Variants in MAP3K1 observed in about 807,000 individuals in gnomAD.
MAP3K1 encodes MAP/ERK kinase kinase 1.
Under a neutral mutation model 144.2 loss-of-function variants are expected in MAP3K1, and 36 were observed. The ratio of observed to expected loss-of-function variants is 0.25; its 90% confidence interval spans 0.19 to 0.33. The LOEUF is 0.33. Ranked by LOEUF, MAP3K1 falls within the 10% of genes least tolerant of loss-of-function variation. The pLI is 1.00. For synonymous variants in MAP3K1, 718 were observed against 688.7 expected, an observed-to-expected ratio of 1.04 and a Z score of -0.67; for missense variants, 1,650 against 1,881.9, an observed-to-expected ratio of 0.88 and a Z score of 2.28.
Position 56,895,259 on chromosome 5 carries a change from ATTCCT to A in MAP3K1, c.*1582_*1586del, listed in dbSNP as rs1172356292. 4.3e-6 allele frequency: 1 copy of A among 232,206 alleles called. No individual in the cohort carries two copies. The highest frequency in any genetic ancestry group is 8.5e-6 in the Non-Finnish European group (1 of 117,446). The allele number at this position is 232,206 out of a possible 1,614,324, so 14.4% of individuals were successfully genotyped here. On this transcript the variant is annotated 3_prime_UTR_variant, in exon 20 of 20. Coordinates refer to ENST00000399503, the MANE Select transcript of MAP3K1 (RefSeq NM_005921.2). ...AATATGTTTCTTAGTGAAATTTTACATTCCTTTGTTTTGGAAGATTGGCGATATTT... is the reference window on the plus strand; with the variant it reads ...AATATGTTTCTTAGTGAAATTTTACATTGTTTTGGAAGATTGGCGATATTT...
At chr5:56,855,327 G>C (rs1479010679) in intron 1 of MAP3K1, among the ~76,000 whole-genome samples, 1 of 151,948 alleles carries the variant, frequency 6.6e-6, no homozygotes, top group Non-Finnish European at 1.5e-5. Context: ...GTCTCATATT[G>C]CTTCTATATA....
chr5:56,834,290 G>T (rs112393390), intron 1 of MAP3K1, among the ~76,000 whole-genome samples: 1 of 152,180 alleles, frequency 6.6e-6, no homozygotes, highest in African/African-American at 2.4e-5. Flanking sequence ...GTAAATGCTG[G>T]AGCCAGGGGA....
chr5:56,885,219 A>G (rs1225486402), intron 16 of MAP3K1, among the ~76,000 whole-genome samples: 1 of 152,230 alleles, frequency 6.6e-6, no homozygotes, highest in Non-Finnish European at 1.5e-5. Flanking sequence ...CTAGCACTGA[A>G]GCATAAAGTT....
intron 19 of MAP3K1, among the ~76,000 whole-genome samples, chr5:56,889,057 A>ATATG (rs1232204536): frequency 6.6e-6 from 1 of 152,242 alleles, no homozygotes; most frequent in African/African-American, 2.4e-5. Flanking sequence ...GTTTATATGT[A>ATATG]TATGTATGTG....
intron 2 of MAP3K1, among the ~76,000 whole-genome samples, chr5:56,857,204 C>T (rs566279464): frequency 4.5e-4 from 69 of 152,118 alleles, no homozygotes; most frequent in Non-Finnish European, 8.7e-4. Context: ...ATAAGATGTG[C>T]GTTTCTCCAA....
chr5:56,860,006 A>G, intron 3 of MAP3K1, 91 bp downstream of exon 3: 2 of 1,162,818 alleles, frequency 1.7e-6, no homozygotes, highest in Non-Finnish European at 2.5e-6. Flanking sequence ...CTGTTAGAAC[A>G]TCAGTTTTCA....
In MAP3K1 at chr5:56,882,845, TATC is replaced by T. The variant is rs758576258; in HGVS notation, c.3651_3653del (p.Ile1219del). 5 of 1,610,298 alleles carry T rather than the reference TATC, an allele frequency of 3.1e-6. No homozygotes were observed. Among genetic ancestry groups the T allele is most frequent in the African/African-American group, 1.3e-5 (1 of 74,892 alleles). On this transcript the variant is annotated inframe_deletion, in exon 14 of 20. Transcript: ENST00000399503. ...AGCTGCAGGTTGAAAATGGAGAAGA[TATC>T]ATCATTATTCAACAGGATGTAAGTA... is the stretch of plus-strand genomic sequence containing the variant.
At chr5:56,879,563 G>A (rs1243569761) in intron 11 of MAP3K1, among the ~76,000 whole-genome samples, 3 of 106,348 alleles carry the variant, frequency 2.8e-5, no homozygotes, top group Non-Finnish European at 5.1e-5. Context: ...TGACAGTTTT[G>A]TCAAAAAATT....
intron 1 of MAP3K1, among the ~76,000 whole-genome samples, chr5:56,843,069 C>T (rs1384341942): frequency 6.6e-6 from 1 of 152,140 alleles, no homozygotes; most frequent in Non-Finnish European, 1.5e-5. Flanking sequence ...GTTGTAGATG[C>T]AACACGTTTC....
intron 1 of MAP3K1, among the ~76,000 whole-genome samples, chr5:56,824,181 T>G (rs1458619024): frequency 6.6e-6 from 1 of 152,204 alleles, no homozygotes; most frequent in Admixed American, 6.5e-5. Context: ...AACAAAACAT[T>G]TCAAAGTTTA....
At chr5:56,892,100 T>C (rs1748566718) in intron 19 of MAP3K1, among the ~76,000 whole-genome samples, 2 of 152,324 alleles carry the variant, frequency 1.3e-5, no homozygotes, top group Admixed American at 6.5e-5. Context: ...GGGGACGGCA[T>C]TGAATCTATG....
chr5:56,841,202 TAA>T lies in MAP3K1; in HGVS notation c.483-15385_483-15384del, dbSNP rs3076543. ...AAGAGAAATGTATGGCTTATTGATT[TAA>T]AAAAAAAAAAAACTAGACAGGTTAA... On this transcript the variant is annotated intron_variant, in intron 1 of 19. Transcript: ENST00000399503. Among the ~76,000 whole-genome samples the T allele has an allele frequency of 5.9e-4, 87 of 147,530 alleles. 2 individuals are homozygous for T. In the South Asian group the frequency reaches 0.018, roughly 30 times the overall value.
In MAP3K1 at chr5:56,851,268, A is replaced by G. The variant is rs969225487; in HGVS notation, c.483-5332A>G. ...GCCAGGATTCTATTTTTGAGTGTTT[A>G]TGAAATGTCCCCTGTGTGCCAGGCA... On this transcript the variant is annotated intron_variant, in intron 1 of 19. Transcript: ENST00000399503. Among the ~76,000 whole-genome samples, 9 of 152,262 alleles carry G rather than the reference A, an allele frequency of 5.9e-5. No individual in the cohort carries two copies. The South Asian group carries it at 1.9e-3, about 32-fold the overall frequency.
intron 11 of MAP3K1, 140 bp downstream of exon 11, chr5:56,879,241 G>C: frequency 8.1e-7 from 1 of 1,232,670 alleles, no homozygotes; most frequent in South Asian, 1.2e-5. Context: ...GATTTAAAAT[G>C]AAAATGCAGC....
At position 56,895,538 on chromosome 5, in the gene MAP3K1, C is replaced by G. The variant is rs554678043; in HGVS notation, c.*1858C>G. The G allele has an allele frequency of 4.3e-6, 1 of 232,046 alleles. No homozygotes were observed. The highest frequency in any genetic ancestry group is 2.2e-5 in the African/African-American group (1 of 45,382). The allele number at this position is 232,046 out of a possible 1,614,324, so 14.4% of individuals were successfully genotyped here. On this transcript the variant is annotated 3_prime_UTR_variant, in exon 20 of 20. Transcript: ENST00000399503. ...ATGTAAACTGTATAAACTGAGGAAC[C>G]TCAGCTAATCAGTATTACTTTGTAG...
intron 15 of MAP3K1, 36 bp from the exon 16 acceptor site, chr5:56,884,626 AAT>A (rs1256351716): frequency 3.1e-6 from 5 of 1,606,438 alleles, no homozygotes; most frequent in Non-Finnish European, 3.4e-6. Flanking sequence ...TGCTAGTGAA[AAT>A]ATGCAAAACT....
At chr5:56,827,198 A>C (rs1746343361) in intron 1 of MAP3K1, among the ~76,000 whole-genome samples, 2 of 151,840 alleles carry the variant, frequency 1.3e-5, no homozygotes, top group South Asian at 4.1e-4. Flanking sequence ...AAGCTGGGAC[A>C]CGATTTCTGG....
rs751905861 is a variant in MAP3K1, at chr5:56,871,992, G to A, written c.1384G>A (p.Gly462Ser). 3.1e-6 allele frequency: 5 copies of A among 1,613,774 alleles called. No individual in the cohort carries two copies. Among genetic ancestry groups the A allele is most frequent in the Non-Finnish European group, 4.2e-6 (5 of 1,179,888 alleles). ...AGAAAGTCTTACAGTGTGTGAAGACGGCTGCAGGAACAAGCTGCACCACCA... is the reference window on the plus strand; with the variant it reads ...AGAAAGTCTTACAGTGTGTGAAGACAGCTGCAGGAACAAGCTGCACCACCA... ...DEESLTVCED[G>S]CRNKLHHHCM... is the part of the protein sequence containing the mutation. The change falls in exon 7 of 20, where the codon GGC becomes AGC. Residue 462 changes from glycine to serine, a missense_variant. By Grantham distance (56) the Gly-to-Ser change is moderately conservative. This residue lies in a region of MAP3K1 where 125 missense variants were observed against 179.9 expected (regional missense o/e 0.69). Coordinates refer to ENST00000399503, the MANE Select transcript of MAP3K1 (RefSeq NM_005921.2).
intron 11 of MAP3K1, among the ~76,000 whole-genome samples, chr5:56,879,912 C>T (rs1405909377): frequency 6.6e-6 from 1 of 152,166 alleles, no homozygotes; most frequent in African/African-American, 2.4e-5. Flanking sequence ...TCAGTACAAC[C>T]TTTCTCTTCC....
Sources: allele counts gnomAD v4.1 joint callset (sites outside exome capture counted in the v4.1 genomes callset), GRCh38; gene constraint gnomAD v4.1.1; regional missense constraint gnomAD v4.1.1; transcripts MANE v1.5; gene names NCBI Gene and HGNC (gene_info 2026-07-23, HGNC 2026-07-21).